DOCK3: variants seen among roughly 807,000 people sequenced by gnomAD.
DOCK3 encodes the protein dedicator of cytokinesis protein 3.
Under a neutral mutation model 265.6 loss-of-function variants are expected in DOCK3, and 60 were observed. The ratio of observed to expected loss-of-function variants is 0.23; its 90% CI spans 0.18 to 0.28. The LOEUF (loss-of-function observed/expected upper bound fraction) is 0.28. Ranked by LOEUF, DOCK3 falls within the 10% of genes least tolerant of loss-of-function variation. The pLI, the probability that DOCK3 is intolerant of heterozygous loss-of-function variation, is 1.00. For missense variants in DOCK3, 1,981 were observed against 2,594.3 expected, an observed-to-expected ratio of 0.76 and a Z score of 5.14; for synonymous variants, 881 against 938.0, an observed-to-expected ratio of 0.94 and a Z score of 1.11.
intron 2 of DOCK3, among the ~76,000 whole-genome samples, chr3:50,803,292 C>T (rs554642260): frequency 7.2e-5 from 11 of 152,148 alleles, no homozygotes; most frequent in South Asian, 2.1e-4. Context: ...GAGCATGCTG[C>T]CTTCAAGCAT....
chr3:51,356,999 T>C lies in DOCK3; in HGVS notation c.4541T>C (p.Val1514Ala). Residue 1514 changes from valine (V) to alanine (A), a missense_variant, in exon 44 of 53, where the codon GTT becomes GCT. Coordinates refer to ENST00000266037, the MANE Select transcript of DOCK3 (RefSeq NM_004947.5). ...CCTCTGGAGAATGCCATCCAAGTGG[T>C]TGAGAATAAGAACCAGGAGCTACGC... ...VSPLENAIQV[V>A]ENKNQELRSL... The C allele has an allele frequency of 1.2e-6, 2 of 1,613,472 alleles. No individual in the cohort carries two copies. The highest frequency in any genetic ancestry group is 1.7e-6 in the Non-Finnish European group (2 of 1,179,872).
At chr3:51,277,233 A>C (rs1362482980) in intron 25 of DOCK3, among the ~76,000 whole-genome samples, 2 of 152,248 alleles carry the variant, frequency 1.3e-5, no homozygotes, top group African/African-American at 2.4e-5. Context: ...CTCAAACTTT[A>C]TCATTCCAAA....
At chr3:51,064,726 A>T in intron 6 of DOCK3, 130 bp downstream of exon 6, 6 of 1,229,192 alleles carry the variant, frequency 4.9e-6, no homozygotes, top group Admixed American at 2.8e-5. Context: ...CTAAGCTTTC[A>T]TCATTTTTGC....
chr3:50,793,483 C>T (rs370234563), intron 2 of DOCK3, among the ~76,000 whole-genome samples: 12 of 151,568 alleles, frequency 7.9e-5, no homozygotes, highest in East Asian at 7.8e-4. Context: ...CTCAGCCTCC[C>T]GTAGGTGGGA....
At chr3:50,806,656 T>G (rs985840659) in intron 2 of DOCK3, among the ~76,000 whole-genome samples, 1 of 152,012 alleles carries the variant, frequency 6.6e-6, no homozygotes, top group South Asian at 2.1e-4. Context: ...ACAGGCAATC[T>G]TGAGCCCAAG....
At chr3:51,308,712 C>G (rs1445889012) in intron 27 of DOCK3, among the ~76,000 whole-genome samples, 2 of 152,342 alleles carry the variant, frequency 1.3e-5, no homozygotes, top group Non-Finnish European at 2.9e-5. Flanking sequence ...TCATCATGGC[C>G]CGTTCTCAAT....
At chr3:50,704,215 T>C (rs1484959978) in intron 1 of DOCK3, among the ~76,000 whole-genome samples, 1 of 152,180 alleles carries the variant, frequency 6.6e-6, no homozygotes, top group African/African-American at 2.4e-5. Context: ...TGGGAAAACT[T>C]TTATGTGCTG....
chr3:50,758,167 G>C lies in DOCK3; in HGVS notation c.38-20508G>C, dbSNP rs7637334. 4.6e-3 allele frequency among the ~76,000 whole-genome samples: 468 copies of C among 101,662 alleles called. 2 individuals are homozygous for C. The highest frequency in any genetic ancestry group is 0.018 in the African/African-American group (446 of 25,104). The allele number at this position is 101,662 out of a possible 152,430, so 66.7% of individuals were successfully genotyped here. A position where few individuals can be genotyped will look rare whatever the true frequency, so the allele number is the denominator to read the frequency against. On this transcript the variant is annotated intron_variant, in intron 1 of 52. Coordinates refer to ENST00000266037, the MANE Select transcript of DOCK3 (RefSeq NM_004947.5). ...CACTCCAGTCTGGGCGACAGAGCGA[G>C]ACTCTGTCTCAAAAAAAAAAAAAAA... is the stretch of plus-strand genomic sequence containing the variant.
chr3:50,858,369 T>C (rs2046720125), intron 3 of DOCK3, among the ~76,000 whole-genome samples: 1 of 151,722 alleles, frequency 6.6e-6, no homozygotes, highest in African/African-American at 2.4e-5. Context: ...ACGACACATA[T>C]ATAAATATGT....
At chr3:51,220,226 A>G (rs796568597) in intron 14 of DOCK3, among the ~76,000 whole-genome samples, 1 of 152,188 alleles carries the variant, frequency 6.6e-6, no homozygotes, top group East Asian at 1.9e-4. Context: ...CTTCCAACAC[A>G]TAGGCTTGGC....
chr3:50,986,088 C>T (rs541578943), intron 5 of DOCK3, among the ~76,000 whole-genome samples: 6 of 152,162 alleles, frequency 3.9e-5, no homozygotes, highest in South Asian at 2.1e-4. Context: ...TCCAGTACAA[C>T]GTTGATTTGA....
intron 7 of DOCK3, among the ~76,000 whole-genome samples, chr3:51,087,175 G>GA (rs1560042342): frequency 6.6e-6 from 1 of 151,364 alleles, no homozygotes; most frequent in Admixed American, 6.6e-5. Context: ...AAGGACACAA[G>GA]AAAAAAAAGA....
At chr3:51,127,255 T>A (rs1237997447) in intron 9 of DOCK3, among the ~76,000 whole-genome samples, 1 of 152,106 alleles carries the variant, frequency 6.6e-6, no homozygotes, top group Non-Finnish European at 1.5e-5. Flanking sequence ...CTGACTCAAA[T>A]GTTAATCTCC....
chr3:51,298,092 T>A (rs1370885333), intron 27 of DOCK3, among the ~76,000 whole-genome samples: 1 of 152,248 alleles, frequency 6.6e-6, no homozygotes, highest in Non-Finnish European at 1.5e-5. Flanking sequence ...AGAATTTTCT[T>A]TGTGAAAACC....
intron 1 of DOCK3, among the ~76,000 whole-genome samples, chr3:50,772,262 G>C (rs1255432515): frequency 1.3e-5 from 2 of 152,194 alleles, no homozygotes; most frequent in Admixed American, 1.3e-4. Context: ...AATTATTAGA[G>C]ACAGAGAGTA....
At chr3:51,122,644 C>T (rs1252584841) in intron 9 of DOCK3, among the ~76,000 whole-genome samples, 1 of 152,144 alleles carries the variant, frequency 6.6e-6, no homozygotes, top group Non-Finnish European at 1.5e-5. Context: ...CTATGGATAG[C>T]TTAAGAGGAA....
chr3:50,934,084 A>G lies in DOCK3; in HGVS notation c.315+7A>G. 1 of 1,587,164 alleles carries G rather than the reference A, an allele frequency of 6.3e-7. No homozygotes were observed. ...GTGGAAACAGTTGTATGTGGTAAGT[A>G]GTTGATTACTGGTTTATTGGATCAT... On this transcript the variant is annotated splice_region_variant and intron_variant, in intron 5 of 52. Coordinates refer to ENST00000266037, the MANE Select transcript of DOCK3 (RefSeq NM_004947.5).
chr3:51,063,544 A>G (rs1334401783), intron 5 of DOCK3, among the ~76,000 whole-genome samples: 3 of 152,138 alleles, frequency 2.0e-5, no homozygotes, highest in African/African-American at 7.2e-5. Context: ...TTTTAGGGTA[A>G]ATCTCATACA....
chr3:51,293,123 C>T (rs1235184569), intron 27 of DOCK3, among the ~76,000 whole-genome samples: 1 of 151,886 alleles, frequency 6.6e-6, no homozygotes, highest in East Asian at 1.9e-4. Flanking sequence ...TAGAAAAAAA[C>T]AATCCTAAAA....
Sources: allele counts gnomAD v4.1 joint callset (sites outside exome capture counted in the v4.1 genomes callset), GRCh38; gene constraint gnomAD v4.1.1; transcripts MANE v1.5; gene names NCBI Gene and HGNC (gene_info 2026-07-23, HGNC 2026-07-21).